The following POLD4 variants were observed in gnomAD, a reference collection of about 807,000 sequenced individuals.
The protein encoded by POLD4 is DNA polymerase delta subunit 4.
In POLD4, 9 loss-of-function variants were observed where a neutral mutation model predicts 16.5. The ratio of observed to expected loss-of-function variants is 0.55; its 90% CI spans 0.33 to 0.95. The LOEUF is 0.95. Among genes scored for constraint, POLD4 ranks in the 40% least tolerant of loss-of-function variants. The pLI is 0.03. For missense variants in POLD4, 129 were observed against 139.7 expected (o/e 0.92, Z 0.39); for synonymous variants, 62 against 57.6 (o/e 1.08, Z -0.35).
At chr11:67,352,886 C>T in intron 2 of POLD4, 84 bp from the exon 3 acceptor site, 1 of 1,372,172 alleles carries the variant, frequency 7.3e-7, no homozygotes, top group Non-Finnish European at 1.0e-6. Flanking sequence ...TGGGGGGAGA[C>T]AGTTCCTGAG....
chr11:67,352,133 A>G (rs1258424130), intron 3 of POLD4, 114 bp from the exon 4 acceptor site: 4 of 870,846 alleles, frequency 4.6e-6, no homozygotes, highest in Non-Finnish European at 7.3e-6. Context: ...GGCCATGCCC[A>G]TAGTCCTTGG....
At position 67,351,883 on chromosome 11, in the gene POLD4, G is replaced by T; in HGVS notation, c.*112C>A. ...ACACCTCCAGGTTCTGCCTGCCAAG[G>T]GTTCCTCCGCAGCCGGGCTGAGCTG... On this transcript the variant is annotated 3_prime_UTR_variant, in exon 4 of 4. Transcript: ENST00000312419. The surrounding 1 kb of genome is among the most constrained non-coding windows in gnomAD (Gnocchi z 4.8). 1 of 1,210,266 alleles carries T rather than the reference G, an allele frequency of 8.3e-7. No homozygotes were observed. Among genetic ancestry groups the T allele is most frequent in the African/African-American group, 1.5e-5 (1 of 66,270 alleles). 75.0% of individuals were successfully genotyped at this position (1,210,266 alleles called of 1,614,324 possible).
chr11:67,351,718 A>G lies in POLD4; in HGVS notation c.*277T>C. 1 of 444,082 alleles carries G rather than the reference A, an allele frequency of 2.3e-6. No individual in the cohort carries two copies. The highest frequency in any genetic ancestry group is 3.9e-5 in the East Asian group (1 of 25,458). 27.5% of individuals were successfully genotyped at this position (444,082 alleles called of 1,614,324 possible). ...TTGCCAGATCATGGGTCAGGGAGAC[A>G]GGCAGCAGGTATTGGAAGGTGATGG... is the stretch of plus-strand genomic sequence containing the variant. On this transcript the variant is annotated 3_prime_UTR_variant, in exon 4 of 4. Coordinates refer to ENST00000312419, the MANE Select transcript of POLD4 (RefSeq NM_021173.5). This position sits in a 1 kb window ranked among gnomAD's most constrained non-coding sequence, Gnocchi z 4.8.
At chr11:67,353,562 C>A, upstream of POLD4, 2 of 610,498 alleles carry the variant, frequency 3.3e-6, no homozygotes, top group Non-Finnish European at 5.7e-6. Context: ...CGCCGGGGTC[C>A]AGGGAGGGAC....
chr11:67,352,629 A>T (rs1387556126), intron 3 of POLD4, 62 bp downstream of exon 3: 7 of 1,288,972 alleles, frequency 5.4e-6, no homozygotes, highest in Non-Finnish European at 6.7e-6. Flanking sequence ...TCAGGACAGC[A>T]GGGTGACAGT....
At position 67,351,268 on chromosome 11, in the gene POLD4, TGG is replaced by T. The variant is rs2134841508; in HGVS notation, c.*725_*726del. ...TGGCAAAGCACCCATGTTTGTGAGGTGGGCACCGCTTAGCAAGGCAGGTGGCT... is the reference window on the plus strand; with the variant it reads ...TGGCAAAGCACCCATGTTTGTGAGGTGCACCGCTTAGCAAGGCAGGTGGCT... On this transcript the variant is annotated 3_prime_UTR_variant, in exon 4 of 4. Coordinates refer to ENST00000312419, the MANE Select transcript of POLD4 (RefSeq NM_021173.5). This position sits in a 1 kb window ranked among gnomAD's most constrained non-coding sequence, Gnocchi z 4.8. 1 of 152,326 alleles carries T rather than the reference TGG, an allele frequency of 6.6e-6. No homozygotes were observed. Among genetic ancestry groups the T allele is most frequent in the East Asian group, 1.9e-4 (1 of 5,182 alleles). The allele number at this position is 152,326 out of a possible 1,614,324, so 9.4% of individuals were successfully genotyped here.
chr11:67,352,630 G>A (rs1861895303), intron 3 of POLD4, 61 bp downstream of exon 3: 5 of 1,314,736 alleles, frequency 3.8e-6, no homozygotes, highest in Non-Finnish European at 4.4e-6. Flanking sequence ...CAGGACAGCA[G>A]GGTGACAGTG....
intron 3 of POLD4, 35 bp from the exon 4 acceptor site, chr11:67,352,054 A>G (rs1861879674): frequency 1.3e-6 from 1 of 782,090 alleles, no homozygotes; most frequent in South Asian, 2.6e-5. Flanking sequence ...GGGATACCCC[A>G]GAGAGAGAGA....
rs769491961 is a variant in POLD4 at position 67,353,420 on chromosome 11, G to A, written c.-21C>T. On this transcript the variant is annotated 5_prime_UTR_variant, in exon 1 of 4. Transcript: ENST00000312419. ...CCCATGGCGGCCACCCAGGCAGGCAGAGAAGGAGGCAACTGCGGGGAAGAG... is the reference window on the plus strand; with the variant it reads ...CCCATGGCGGCCACCCAGGCAGGCAAAGAAGGAGGCAACTGCGGGGAAGAG... The A allele has an allele frequency of 1.2e-6, 2 of 1,603,958 alleles. No homozygotes were observed. Among genetic ancestry groups the A allele is most frequent in the East Asian group, 2.2e-5 (1 of 44,850 alleles).
Position 67,353,443 on chromosome 11 carries a change from G to A in POLD4, c.-44C>T. On this transcript the variant is annotated 5_prime_UTR_variant, in exon 1 of 4. Coordinates refer to ENST00000312419, the MANE Select transcript of POLD4 (RefSeq NM_021173.5). ...CAGAGAAGGAGGCAACTGCGGGGAA[G>A]AGGAGAGACCGGCCAGTGGGCGCGA... The A allele has an allele frequency of 6.4e-7, 1 of 1,559,640 alleles. No homozygotes were observed. Among genetic ancestry groups the A allele is most frequent in the Non-Finnish European group, 8.7e-7 (1 of 1,143,070 alleles).
chr11:67,353,079 T>C lies in POLD4; in HGVS notation c.98-2A>G. ...CGTCGCGGGGCTGGGGCTCCTCCCC[T>C]GCAATGACAGCTGCTCTTCAGTACG... On this transcript the variant is annotated splice_acceptor_variant, in intron 1 of 3. Transcript: ENST00000312419. LOFTEE classifies it high-confidence loss of function. The C allele has an allele frequency of 2.5e-6, 4 of 1,581,008 alleles. No individual in the cohort carries two copies. Among genetic ancestry groups the C allele is most frequent in the Non-Finnish European group, 3.4e-6 (4 of 1,163,632 alleles).
chr11:67,353,541 A>G lies in POLD4; in HGVS notation c.-142T>C. On this transcript the variant is annotated 5_prime_UTR_variant, in exon 1 of 4. Transcript: ENST00000312419. Reference sequence around the variant, plus strand: ...CAGACAAGATGACCCAGACAAACCGAGAGAGGAAGTCGCCGGGGTCCAGGG... The same window carrying G: ...CAGACAAGATGACCCAGACAAACCGGGAGAGGAAGTCGCCGGGGTCCAGGG... The G allele has an allele frequency of 1.5e-6, 1 of 673,472 alleles. No homozygotes were observed. The highest frequency in any genetic ancestry group is 2.5e-6 in the Non-Finnish European group (1 of 407,612). The allele number at this position is 673,472 out of a possible 1,614,324, so 41.7% of individuals were successfully genotyped here.
rs762968479 is a variant in POLD4, at chr11:67,352,744, T to TG, written c.245dup (p.Glu83ArgfsTer80). On this transcript the variant is annotated frameshift_variant, in exon 3 of 4. Transcript: ENST00000312419. LOFTEE classifies it high-confidence loss of function. ...GGGTCTTCAGCACCTGCCACACCTC[T>TG]GGGGGAGGCTCCAAGCCCATCTGCT... 1 of 1,612,608 alleles carries TG rather than the reference T, an allele frequency of 6.2e-7. No homozygotes were observed. Among genetic ancestry groups the TG allele is most frequent in the Non-Finnish European group, 8.5e-7 (1 of 1,179,712 alleles).
Position 67,351,969 on chromosome 11 carries a change from A to G in POLD4, c.*26T>C. 23 of 1,375,566 alleles carry G rather than the reference A, an allele frequency of 1.7e-5. No individual in the cohort carries two copies. Among genetic ancestry groups the G allele is most frequent in the Non-Finnish European group, 2.1e-5 (22 of 1,032,738 alleles). 85.2% of individuals were successfully genotyped at this position (1,375,566 alleles called of 1,614,324 possible). ...TTCTTGGGTGGTGAGCAAGAGAGCTAAGGGCAGGAGGTCTTACGTGGTGCC... is the reference window on the plus strand; with the variant it reads ...TTCTTGGGTGGTGAGCAAGAGAGCTGAGGGCAGGAGGTCTTACGTGGTGCC... On this transcript the variant is annotated 3_prime_UTR_variant, in exon 4 of 4. Transcript: ENST00000312419. The surrounding 1 kb of genome is among the most constrained non-coding windows in gnomAD (Gnocchi z 4.8).
At position 67,351,853 on chromosome 11, in the gene POLD4, C is replaced by G; in HGVS notation, c.*142G>C. On this transcript the variant is annotated 3_prime_UTR_variant, in exon 4 of 4. Coordinates refer to ENST00000312419, the MANE Select transcript of POLD4 (RefSeq NM_021173.5). This position sits in a 1 kb window ranked among gnomAD's most constrained non-coding sequence, Gnocchi z 4.8. The stretch of plus-strand genomic sequence containing the variant: ...TGCTGGTTAGATGGAGGAGTTGAGC[C>G]TCTGACACCTCCAGGTTCTGCCTGC... 1 of 836,978 alleles carries G rather than the reference C, an allele frequency of 1.2e-6. No homozygotes were observed. 51.8% of individuals were successfully genotyped at this position (836,978 alleles called of 1,614,324 possible).
rs1221044531 is a variant in POLD4, at chr11:67,353,544, G to C, written c.-145C>G. On this transcript the variant is annotated 5_prime_UTR_variant, in exon 1 of 4. Transcript: ENST00000312419. Reference sequence around the variant, plus strand: ...ACAAGATGACCCAGACAAACCGAGAGAGGAAGTCGCCGGGGTCCAGGGAGG... The same window carrying C: ...ACAAGATGACCCAGACAAACCGAGACAGGAAGTCGCCGGGGTCCAGGGAGG... The C allele has an allele frequency of 1.5e-6, 1 of 665,468 alleles. No homozygotes were observed. The highest frequency in any genetic ancestry group is 2.5e-6 in the Non-Finnish European group (1 of 400,882). 41.2% of individuals were successfully genotyped at this position (665,468 alleles called of 1,614,324 possible). A position where few individuals can be genotyped will look rare whatever the true frequency, so the allele number is the denominator to read the frequency against.
chr11:67,352,995 G>T lies in POLD4; in HGVS notation c.180C>A (p.Pro60=), dbSNP rs370308033. Residue 60 remains proline, a synonymous_variant, in exon 2 of 4, where the codon CCC becomes CCA. Transcript: ENST00000312419. ...RQFDLAWQYG[P]CTGITRLQRW... ...GGCTGGGTGGGTTCTCACCGGTGCA[G>T]GGCCCGTACTGCCAGGCCAGGTCAA... The T allele has an allele frequency of 3.2e-6, 5 of 1,574,762 alleles. No homozygotes were observed. Among genetic ancestry groups the T allele is most frequent in the Non-Finnish European group, 4.3e-6 (5 of 1,159,774 alleles).
chr11:67,353,481 C>T lies in POLD4; in HGVS notation c.-82G>A. 8.1e-7 allele frequency: 1 copy of T among 1,230,236 alleles called. No individual in the cohort carries two copies. Among genetic ancestry groups the T allele is most frequent in the Non-Finnish European group, 1.2e-6 (1 of 867,558 alleles). The allele number at this position is 1,230,236 out of a possible 1,614,324, so 76.2% of individuals were successfully genotyped here. A position where few individuals can be genotyped will look rare whatever the true frequency, so the allele number is the denominator to read the frequency against. On this transcript the variant is annotated 5_prime_UTR_variant, in exon 1 of 4. Transcript: ENST00000312419. ...CCAGTGGGCGCGAGAAAGACAGCTGCTGAGAGAGACAGACGGGGCCAGGCC... is the reference window on the plus strand; with the variant it reads ...CCAGTGGGCGCGAGAAAGACAGCTGTTGAGAGAGACAGACGGGGCCAGGCC...
Position 67,352,801 on chromosome 11 carries a change from C to T in POLD4, c.189G>A (p.Gly63=). 3 of 1,604,476 alleles carry T rather than the reference C, an allele frequency of 1.9e-6. No homozygotes were observed. In the South Asian group the frequency reaches 3.3e-5, roughly 18 times the overall value. ...DLAWQYGPCT[G]ITRLQRWCRA... is the part of the protein sequence containing the mutation. Reference sequence around the variant, plus strand: ...GACACCAGCGCTGCAGCCGTGTGATCCCTGCCAGGGTGGGAAGAAGACTCT... The same window carrying T: ...GACACCAGCGCTGCAGCCGTGTGATTCCTGCCAGGGTGGGAAGAAGACTCT... Residue 63 remains glycine, a splice_region_variant and synonymous_variant, in exon 3 of 4, where the codon GGG becomes GGA. Coordinates refer to ENST00000312419, the MANE Select transcript of POLD4 (RefSeq NM_021173.5).
Sources: allele counts gnomAD v4.1 joint callset, GRCh38; gene constraint gnomAD v4.1.1; non-coding constraint Gnocchi (gnomAD v3.1); transcripts MANE v1.5; gene names NCBI Gene and HGNC (gene_info 2026-07-23, HGNC 2026-07-21).